The following SUCO variants were observed in gnomAD, a reference collection of about 807,000 sequenced individuals.
SUCO encodes SUN domain containing ossification factor.
Under a neutral mutation model 148.1 loss-of-function variants are expected in SUCO, and 57 were observed. The ratio of observed to expected loss-of-function variants is 0.38; its 90% CI spans 0.31 to 0.48. SUCO has a LOEUF of 0.48. SUCO is among the 20% of genes least tolerant of loss of function. The pLI is 0.96. For synonymous variants in SUCO, 470 were observed against 502.7 expected (o/e 0.93, Z 0.87); for missense variants, 1,331 against 1,468.2 (o/e 0.91, Z 1.53).
At chr1:172,586,273 G>C (rs568075021) in intron 17 of SUCO, among the ~76,000 whole-genome samples, 49 of 151,916 alleles carry the variant, frequency 3.2e-4, no homozygotes, top group African/African-American at 1.1e-3. Flanking sequence ...AAATTTTAAA[G>C]GCCCCCCCTT....
Position 172,533,418 on chromosome 1 carries a change from G to C in SUCO, c.-18G>C. 1 of 1,555,796 alleles carries C rather than the reference G, an allele frequency of 6.4e-7. No individual in the cohort carries two copies. Among genetic ancestry groups the C allele is most frequent in the Non-Finnish European group, 8.7e-7 (1 of 1,149,236 alleles). On this transcript the variant is annotated 5_prime_UTR_variant, in exon 1 of 24. Transcript: ENST00000263688. ...GGAGGATGTGCCGCCTTCTGGCAGG[G>C]GGAAGAAGGAGGAGAAGATGAAGAA...
chr1:172,557,032 G>T (rs1021321967), intron 4 of SUCO: 9 of 969,866 alleles, frequency 9.3e-6, no homozygotes, highest in Non-Finnish European at 9.8e-6. Flanking sequence ...CTTTAGAGAA[G>T]ATACATTGAG....
At chr1:172,564,272 T>A (rs1362055119) in intron 6 of SUCO, among the ~76,000 whole-genome samples, 1 of 152,164 alleles carries the variant, frequency 6.6e-6, no homozygotes, top group Non-Finnish European at 1.5e-5. Context: ...GCCACCATCC[T>A]CCAGACCCCA....
At chr1:172,564,941 T>G (rs1305771467) in intron 6 of SUCO, among the ~76,000 whole-genome samples, 1 of 152,230 alleles carries the variant, frequency 6.6e-6, no homozygotes, top group Non-Finnish European at 1.5e-5. Context: ...TAGCACATTT[T>G]ATGTAAACCT....
rs1002573805 is a variant in SUCO, at chr1:172,546,251, A to T, written c.63-5261A>T. ...GGAAACTGAAGCTCATAAGTTGCCC[A>T]TCACTCACCTTGCAAACTTAGATCT... On this transcript the variant is annotated intron_variant, in intron 1 of 23. Transcript: ENST00000263688. Among the ~76,000 whole-genome samples, 3 of 152,330 alleles carry T rather than the reference A, an allele frequency of 2.0e-5. No individual in the cohort carries two copies. The East Asian group carries it at 5.8e-4, about 29-fold the overall frequency.
At chr1:172,543,092 C>A in intron 1 of SUCO, 1 of 807,228 alleles carries the variant, frequency 1.2e-6, no homozygotes, top group African/African-American at 1.9e-5. Flanking sequence ...TGCTGCAACC[C>A]ATTTTACACA....
chr1:172,595,113 T>C (rs1279335749), intron 19 of SUCO, among the ~76,000 whole-genome samples: 1 of 152,182 alleles, frequency 6.6e-6, no homozygotes. Context: ...AACCCCTGCT[T>C]TTTTTTGTTT....
Position 172,585,871 on chromosome 1 carries a change from A to G in SUCO, c.1581A>G (p.Ile527Met). The change falls in exon 17 of 24, where the codon ATA (isoleucine) becomes ATG (methionine). Residue 527 changes from isoleucine to methionine, a missense_variant. Physicochemically the swap from Ile to Met is conservative, Grantham distance 10. Around this residue, in one of 3 missense-constraint regions of SUCO, gnomAD observed 992 missense variants for 1,093.5 expected, o/e 0.91. Coordinates refer to ENST00000263688, the MANE Select transcript of SUCO (RefSeq NM_014283.5). ...TEDLTEGNKS[I>M]SENATATAAP... Reference sequence around the variant, plus strand: ...TTCTTAAAATAGGAAATAAAAGTATATCTGAGAATGCCACTGCCACAGCTG... The same window carrying G: ...TTCTTAAAATAGGAAATAAAAGTATGTCTGAGAATGCCACTGCCACAGCTG... 6.2e-7 allele frequency: 1 copy of G among 1,606,442 alleles called. No homozygotes were observed. Among genetic ancestry groups the G allele is most frequent in the Non-Finnish European group, 8.5e-7 (1 of 1,175,674 alleles).
At chr1:172,538,572 C>A (rs6695152) in intron 1 of SUCO, among the ~76,000 whole-genome samples, 90,678 of 151,890 alleles carry the variant, frequency 0.6, 27,575 homozygotes, top group African/African-American at 0.7. Flanking sequence ...TCTAAACTTT[C>A]AAGGTACGGA....
chr1:172,575,688 C>A, intron 11 of SUCO, 65 bp downstream of exon 11: 1 of 1,068,250 alleles, frequency 9.4e-7, no homozygotes, highest in Non-Finnish European at 1.4e-6. Context: ...ACACTTTATA[C>A]ACCTCATCTT....
intron 19 of SUCO, among the ~76,000 whole-genome samples, chr1:172,595,803 C>A (rs1198439609): frequency 1.3e-5 from 2 of 152,134 alleles, no homozygotes; most frequent in Non-Finnish European, 2.9e-5. Context: ...CTGTGTATTT[C>A]CTGAATTTGA....
At chr1:172,551,889 T>C (rs1036992967) in intron 2 of SUCO, 5 of 246,390 alleles carry the variant, frequency 2.0e-5, no homozygotes, top group Non-Finnish European at 3.9e-5. Context: ...GAGCTGAAAA[T>C]GAGTGATTTG....
chr1:172,589,497 T>C lies in SUCO; in HGVS notation c.2396T>C (p.Val799Ala). 1 of 1,611,756 alleles carries C rather than the reference T, an allele frequency of 6.2e-7. No homozygotes were observed. Among genetic ancestry groups the C allele is most frequent in the Non-Finnish European group, 8.5e-7 (1 of 1,179,094 alleles). The part of the protein sequence containing the change: ...KPSITYETNK[V>A]NELMDNIIKE... ...TCTATTACCTATGAAACAAATAAAG[T>C]TAATGAGTTAATGGATAATATTATA... Residue 799 changes from valine to alanine, a missense_variant, in exon 18 of 24, where the codon GTT (valine) becomes GCT (alanine). Physicochemically the swap from Val to Ala is moderately conservative, Grantham distance 64. Coordinates refer to ENST00000263688, the MANE Select transcript of SUCO (RefSeq NM_014283.5).
At chr1:172,602,936 C>T (rs376519089) in intron 22 of SUCO, 149 bp downstream of exon 22, 1 of 634,978 alleles carries the variant, frequency 1.6e-6, no homozygotes, top group South Asian at 2.2e-5. Flanking sequence ...GCCACTTTAT[C>T]ATTTTCACAT....
At chr1:172,551,014 A>G (rs947130752) in intron 1 of SUCO, 1 of 318,892 alleles carries the variant, frequency 3.1e-6, no homozygotes, top group African/African-American at 2.3e-5. Flanking sequence ...ATGTTATTTC[A>G]TAAGTACTAT....
At chr1:172,589,998 T>C (rs1222739044) in intron 18 of SUCO, 72 bp downstream of exon 18, 2 of 1,244,454 alleles carry the variant, frequency 1.6e-6, no homozygotes, top group African/African-American at 3.0e-5. Flanking sequence ...TGACCTGTGA[T>C]TACAGGAGAG....
intron 6 of SUCO, among the ~76,000 whole-genome samples, chr1:172,563,445 G>A (rs1654326509): frequency 6.6e-6 from 1 of 152,228 alleles, no homozygotes; most frequent in Admixed American, 6.5e-5. Flanking sequence ...CTCTTGCTGT[G>A]ATTTAGCAAA....
At chr1:172,548,070 A>G (rs1652994373) in intron 1 of SUCO, among the ~76,000 whole-genome samples, 1 of 152,074 alleles carries the variant, frequency 6.6e-6, no homozygotes, top group African/African-American at 2.4e-5. Context: ...CCAAATAAAA[A>G]ATTTAAAAAC....
At chr1:172,541,317 A>G (rs555239060) in intron 1 of SUCO, among the ~76,000 whole-genome samples, 2 of 152,314 alleles carry the variant, frequency 1.3e-5, no homozygotes, top group South Asian at 4.1e-4. Flanking sequence ...TCATCTCTAG[A>G]TATTTTAAAT....
Sources: gnomAD v4.1 joint callset for allele counts (sites outside exome capture counted in the v4.1 genomes callset) on GRCh38, gnomAD v4.1.1 for gene constraint, gnomAD v4.1.1 regional missense constraint, MANE v1.5 for transcripts, NCBI Gene and HGNC (gene_info 2026-07-23, HGNC 2026-07-21) for gene names.